BAHD1: variants seen among roughly 807,000 people sequenced by gnomAD.
BAHD1 encodes bromo adjacent homology domain containing 1.
A neutral mutation model predicts 63.1 loss-of-function variants in BAHD1; 20 were observed. That is an observed-to-expected ratio of 0.32 (90% CI 0.22 to 0.46). The LOEUF is 0.46. BAHD1 is among the 20% of genes least tolerant of loss of function. BAHD1 has a pLI of 1.00. For missense variants in BAHD1, 939 were observed against 1,071.8 expected (o/e 0.88, Z 1.73); for synonymous variants, 408 against 426.8 (o/e 0.96, Z 0.54).
rs1017020536 is a variant in BAHD1, at chr15:40,459,619, A to G, written c.1155A>G (p.Gln385=). 1 of 1,614,040 alleles carries G rather than the reference A, an allele frequency of 6.2e-7. No homozygotes were observed. The highest frequency in any genetic ancestry group is 1.3e-5 in the African/African-American group (1 of 74,940). Residue 385 remains glutamine, a synonymous_variant, in exon 2 of 7, where the codon CAA becomes CAG. Coordinates refer to ENST00000416165, the MANE Select transcript of BAHD1 (RefSeq NM_014952.5). ...GCAGCTTCTACCTGTACTGTGGCCA[A>G]GAGGGGCTGCAGTGTGGGGGCTACT... ...ALGSFYLYCG[Q]EGLQCGGYSP...
chr15:40,450,738 T>C (rs1893675574), intron 1 of BAHD1, among the ~76,000 whole-genome samples: 1 of 152,214 alleles, frequency 6.6e-6, no homozygotes, highest in Non-Finnish European at 1.5e-5. Context: ...TGAGGGAGCC[T>C]TAGCCCAGAG....
rs1893947856 is a variant in BAHD1, at chr15:40,459,181, C to T, written c.717C>T (p.Pro239=). ...HAEVDGRSTE[P]PAPKAPRPKW... is the part of the protein sequence containing the mutation. ...AAGTAGATGGGCGCTCCACTGAGCC[C>T]CCAGCACCCAAGGCCCCGAGGCCAA... Residue 239 remains proline, a synonymous_variant, in exon 2 of 7, where the codon CCC becomes CCT. Coordinates refer to ENST00000416165, the MANE Select transcript of BAHD1 (RefSeq NM_014952.5). The T allele has an allele frequency of 6.2e-7, 1 of 1,612,770 alleles. No homozygotes were observed. Among genetic ancestry groups the T allele is most frequent in the Admixed American group, 1.7e-5 (1 of 59,958 alleles).
chr15:40,442,226 G>T (rs888045680), intron 1 of BAHD1, among the ~76,000 whole-genome samples: 1 of 152,074 alleles, frequency 6.6e-6, no homozygotes, highest in Admixed American at 6.5e-5. Flanking sequence ...AGGTGGTGGC[G>T]TCGGGGAGGG....
rs761380705 is a variant in BAHD1, at chr15:40,462,186, C to T, written c.1707C>T (p.His569=). The change falls in exon 3 of 7, where the codon CAC becomes CAT. Residue 569 remains histidine, a synonymous_variant. Coordinates refer to ENST00000416165, the MANE Select transcript of BAHD1 (RefSeq NM_014952.5). ...ARSKAARRPS[H]PKQPRVQRPR... Reference sequence around the variant, plus strand: ...GCAAGGCTGCCCGCAGGCCTAGCCACCCCAAGCAGCCACGTGTCCAGCGCC... The same window carrying T: ...GCAAGGCTGCCCGCAGGCCTAGCCATCCCAAGCAGCCACGTGTCCAGCGCC... The T allele has an allele frequency of 3.1e-6, 5 of 1,612,426 alleles. No individual in the cohort carries two copies. Among genetic ancestry groups the T allele is most frequent in the South Asian group, 1.1e-5 (1 of 91,070 alleles).
intron 1 of BAHD1, among the ~76,000 whole-genome samples, chr15:40,452,548 G>GTAAAC: frequency 6.6e-6 from 1 of 152,274 alleles, no homozygotes; most frequent in South Asian, 2.1e-4. Context: ...TTGCTCAGTT[G>GTAAAC]TGGCCCACAA....
chr15:40,440,656 A>T (rs538282700), upstream of BAHD1, among the ~76,000 whole-genome samples: 45 of 152,216 alleles, frequency 3.0e-4, no homozygotes, highest in African/African-American at 8.9e-4. Context: ...GAAAAATCCA[A>T]GAAGCCGGCA....
In BAHD1 at chr15:40,459,764, G is replaced by A. The variant is rs753177633; in HGVS notation, c.1300G>A (p.Gly434Ser). ...CACCCCTTTCCAGCACCCTCCCTGG[G>A]GCTCCTCTCGCTACTGCTCTAGCGA... Reference protein sequence around the residue: ...SGTPFQHPPWGSSRYCSSEDT... With the variant: ...SGTPFQHPPWSSSRYCSSEDT... Residue 434 changes from glycine to serine, a missense_variant, in exon 2 of 7, where the codon GGC becomes AGC. This residue lies in a region of BAHD1 where 797 missense variants were observed against 813.3 expected (regional missense o/e 0.98). Coordinates refer to ENST00000416165, the MANE Select transcript of BAHD1 (RefSeq NM_014952.5). The A allele has an allele frequency of 2.5e-6, 4 of 1,613,948 alleles. No homozygotes were observed. The East Asian group carries it at 8.9e-5, about 36-fold the overall frequency.
In BAHD1 at chr15:40,459,655, C is replaced by T; in HGVS notation, c.1191C>T (p.Pro397=). 6.2e-7 allele frequency: 1 copy of T among 1,614,152 alleles called. No homozygotes were observed. The highest frequency in any genetic ancestry group is 8.5e-7 in the Non-Finnish European group (1 of 1,180,014). The part of the protein sequence containing the change: ...GLQCGGYSPC[P]MLPEGKLSPV... ...AGTGTGGGGGCTACTCGCCCTGCCC[C>T]ATGCTTCCTGAGGGCAAGCTGTCCC... is the stretch of plus-strand genomic sequence containing the variant. The change falls in exon 2 of 7, where the codon CCC becomes CCT. Residue 397 remains proline (P), a synonymous_variant. Coordinates refer to ENST00000416165, the MANE Select transcript of BAHD1 (RefSeq NM_014952.5).
chr15:40,466,148 T>G lies in BAHD1; in HGVS notation c.*18T>G. The G allele has an allele frequency of 6.2e-7, 1 of 1,605,124 alleles. No individual in the cohort carries two copies. Among genetic ancestry groups the G allele is most frequent in the Non-Finnish European group, 8.5e-7 (1 of 1,174,890 alleles). The stretch of plus-strand genomic sequence containing the variant: ...CCCAGTAGCCTCCTCATGCCCATGC[T>G]GGGGCTACCCATGGGCAAGTGGGGC... On this transcript the variant is annotated 3_prime_UTR_variant, in exon 7 of 7. Coordinates refer to ENST00000416165, the MANE Select transcript of BAHD1 (RefSeq NM_014952.5).
At chr15:40,441,597 G>C (rs1248375947) in intron 1 of BAHD1, among the ~76,000 whole-genome samples, 6 of 146,688 alleles carry the variant, frequency 4.1e-5, no homozygotes, top group Non-Finnish European at 7.6e-5. Flanking sequence ...GCGGCCGCAG[G>C]GTGGCAGCTC....
Position 40,462,074 on chromosome 15 carries a change from C to T in BAHD1, c.1595C>T (p.Ala532Val), listed in dbSNP as rs544026902. ...QTPTSEPQTV[A>V]RACPQSAKPP... ...CCCACCTCGGAGCCCCAGACAGTAG[C>T]CCGTGCGTGCCCTCAGAGCGCCAAA... is the stretch of plus-strand genomic sequence containing the variant. Residue 532 changes from alanine to valine, a missense_variant, in exon 3 of 7, where the codon GCC becomes GTC. Around this residue, in one of 5 missense-constraint regions of BAHD1, gnomAD observed 797 missense variants for 813.3 expected, o/e 0.98. Transcript: ENST00000416165. 1.9e-6 allele frequency: 3 copies of T among 1,613,656 alleles called. No individual in the cohort carries two copies. In the South Asian group the frequency reaches 3.3e-5, roughly 18 times the overall value.
intron 1 of BAHD1, 144 bp downstream of exon 1, chr15:40,441,412 G>A (rs2141458917): frequency 6.6e-6 from 1 of 150,902 alleles, no homozygotes; most frequent in African/African-American, 2.4e-5. Flanking sequence ...GCCCCCGCCA[G>A]CCCGGGAAGG....
At chr15:40,460,782 C>T (rs1422047349) in intron 2 of BAHD1, among the ~76,000 whole-genome samples, 1 of 152,224 alleles carries the variant, frequency 6.6e-6, no homozygotes, top group Non-Finnish European at 1.5e-5. Flanking sequence ...CTTCCCCTGA[C>T]ATCCTTTCTT....
rs776671654 is a variant in BAHD1, at chr15:40,463,920, A to G, written c.1875A>G (p.Thr625=). ...AGGCGGTAGAGCGGCATGGGGAGAC[A>G]ATCCGAGTCCGGGACACCGTCCTTC... ...SYQAVERHGE[T]IRVRDTVLLK... The change falls in exon 4 of 7, where the codon ACA becomes ACG. Residue 625 remains threonine (T), a synonymous_variant. Transcript: ENST00000416165. The G allele has an allele frequency of 1.2e-6, 2 of 1,614,218 alleles. No individual in the cohort carries two copies. The highest frequency in any genetic ancestry group is 1.1e-5 in the South Asian group (1 of 91,080).
At chr15:40,443,483 G>A (rs960164731) in intron 1 of BAHD1, among the ~76,000 whole-genome samples, 1 of 152,222 alleles carries the variant, frequency 6.6e-6, no homozygotes, top group Non-Finnish European at 1.5e-5. Context: ...AGGGGATGAC[G>A]TGGTCTGGCC....
At chr15:40,462,608 G>C (rs1306039595) in intron 3 of BAHD1, among the ~76,000 whole-genome samples, 1 of 152,120 alleles carries the variant, frequency 6.6e-6, no homozygotes, top group African/African-American at 2.4e-5. Flanking sequence ...TTGTAAAGTG[G>C]AGGACTTTCA....
chr15:40,442,687 C>T (rs750867970), intron 1 of BAHD1, among the ~76,000 whole-genome samples: 5 of 152,160 alleles, frequency 3.3e-5, no homozygotes, highest in Non-Finnish European at 5.9e-5. Context: ...CAGCTGCCTC[C>T]AGCACTTTTC....
At chr15:40,461,737 CT>C (rs949592466) in intron 2 of BAHD1, among the ~76,000 whole-genome samples, 174 bp from the exon 3 acceptor site, 1 of 152,224 alleles carries the variant, frequency 6.6e-6, no homozygotes, top group Non-Finnish European at 1.5e-5. Context: ...GGAAACACCC[CT>C]GTCCCCTTAG....
Position 40,462,276 on chromosome 15 carries a change from G to A in BAHD1, c.1797G>A (p.Glu599=), listed in dbSNP as rs1894073061. ...GGGTACCTGTTGGGGCTGCGTGTGA[G>A]AAGGCTGTGTATGTCTTGGTAAGTG... ...NGWVPVGAAC[E]KAVYVLDEPE... Residue 599 remains glutamate (E), a synonymous_variant, in exon 3 of 7, where the codon GAG becomes GAA. Transcript: ENST00000416165. 6.2e-7 allele frequency: 1 copy of A among 1,608,330 alleles called. No homozygotes were observed. Among genetic ancestry groups the A allele is most frequent in the African/African-American group, 1.3e-5 (1 of 74,822 alleles).
Sources: allele counts gnomAD v4.1 joint callset (sites outside exome capture counted in the v4.1 genomes callset), GRCh38; gene constraint gnomAD v4.1.1; regional missense constraint gnomAD v4.1.1; transcripts MANE v1.5; gene names NCBI Gene and HGNC (gene_info 2026-07-23, HGNC 2026-07-21).